Variants in CNTNAP2 observed in about 807,000 individuals in gnomAD.
CNTNAP2 encodes contactin associated protein 2.
A neutral mutation model predicts 155.2 loss-of-function variants in CNTNAP2; 98 were observed. That is an observed-to-expected ratio of 0.63 (90% CI 0.54 to 0.75). The LOEUF (loss-of-function observed/expected upper bound fraction) is 0.75, where lower values mean the gene tolerates loss of function less well. Among genes scored for constraint, CNTNAP2 ranks in the 30% least tolerant of loss-of-function variants. The probability of loss-of-function intolerance (pLI) is 0.00; values close to 1 mark genes in which losing one functional copy is unlikely to be tolerated. For missense variants in CNTNAP2, 1,727 were observed against 1,688.1 expected (o/e 1.02, Z -0.40); for synonymous variants, 651 against 631.2 (o/e 1.03, Z -0.47).
chr7:146,472,630 C>T (rs1338684071), intron 1 of CNTNAP2, among the ~76,000 whole-genome samples: 2 of 152,062 alleles, frequency 1.3e-5, no homozygotes, highest in Non-Finnish European at 1.5e-5. Flanking sequence ...ATATGTGTAT[C>T]CAAGCTTTAA....
intron 15 of CNTNAP2, among the ~76,000 whole-genome samples, chr7:148,078,229 C>G (rs1803533303): frequency 6.6e-6 from 1 of 151,814 alleles, no homozygotes; most frequent in Admixed American, 6.6e-5. Context: ...ATGCCAGGCT[C>G]ATTTTTGTAT....
At chr7:146,803,813 T>C (rs1802922433) in intron 2 of CNTNAP2, among the ~76,000 whole-genome samples, 1 of 152,182 alleles carries the variant, frequency 6.6e-6, no homozygotes, top group East Asian at 1.9e-4. Context: ...CTTGGTATAG[T>C]TTTATGTGCG....
intron 21 of CNTNAP2, among the ~76,000 whole-genome samples, chr7:148,346,703 C>T (rs879283212): frequency 2.7e-5 from 4 of 149,718 alleles, no homozygotes; most frequent in Non-Finnish European, 5.9e-5. Flanking sequence ...ACCTGGGAGG[C>T]GGAGGTTGCA....
intron 8 of CNTNAP2, among the ~76,000 whole-genome samples, chr7:147,268,916 T>A (rs1804676726): frequency 6.6e-6 from 1 of 152,188 alleles, no homozygotes; most frequent in Admixed American, 6.5e-5. Context: ...GACCTCTTGA[T>A]ACAAAACTAC....
intron 20 of CNTNAP2, chr7:148,263,377 G>T (rs17170929): frequency 0.078 from 11,832 of 152,106 alleles, 720 homozygotes; most frequent in African/African-American, 0.17. Context: ...GGATCACCGA[G>T]AAGCAAGATG....
At chr7:147,985,697 A>C (rs1450568872) in intron 15 of CNTNAP2, among the ~76,000 whole-genome samples, 1 of 152,194 alleles carries the variant, frequency 6.6e-6, no homozygotes, top group Non-Finnish European at 1.5e-5. Context: ...TAAAAGTAAA[A>C]ACAAAATCTA....
chr7:147,993,514 G>A (rs974186540), intron 15 of CNTNAP2, among the ~76,000 whole-genome samples: 1 of 152,110 alleles, frequency 6.6e-6, no homozygotes, highest in African/African-American at 2.4e-5. Context: ...CAAAAAAGTC[G>A]CTTGTGTCTT....
At chr7:147,196,765 C>T (rs566841844) in intron 8 of CNTNAP2, among the ~76,000 whole-genome samples, 2 of 152,252 alleles carry the variant, frequency 1.3e-5, no homozygotes, top group South Asian at 4.1e-4. Flanking sequence ...ATGGCACAAG[C>T]GTGAAAGAGC....
At chr7:148,179,579 G>A (rs1056712206) in intron 18 of CNTNAP2, among the ~76,000 whole-genome samples, 1 of 149,156 alleles carries the variant, frequency 6.7e-6, no homozygotes, top group Non-Finnish European at 1.5e-5. Flanking sequence ...GAGAGGCGGG[G>A]TGCGGGGGAG....
At chr7:146,851,648 T>TTC (rs1250687639) in intron 3 of CNTNAP2, among the ~76,000 whole-genome samples, 1 of 133,912 alleles carries the variant, frequency 7.5e-6, no homozygotes, top group Non-Finnish European at 1.6e-5. Flanking sequence ...ATCATCTTTC[T>TTC]TCTGTGTGTG....
rs531045423 is a variant in CNTNAP2, at chr7:147,530,930, A to G, written c.1778-31208A>G. Among the ~76,000 whole-genome samples, 304 of 152,314 alleles carry G rather than the reference A, an allele frequency of 2.0e-3. 1 individual carries two copies. The highest frequency in any genetic ancestry group is 7.2e-3 in the African/African-American group (301 of 41,572). ...GATACAATAGGATTACAGGTTTTGG[A>G]CAAATACAGCGGTTCCAAAGGGGAG... On this transcript the variant is annotated intron_variant, in intron 11 of 23. Transcript: ENST00000361727.
At chr7:147,255,528 T>C (rs1804302245) in intron 8 of CNTNAP2, among the ~76,000 whole-genome samples, 1 of 152,046 alleles carries the variant, frequency 6.6e-6, no homozygotes, top group African/African-American at 2.4e-5. Context: ...GGCCAAATAT[T>C]ATATGTTGTA....
chr7:147,980,016 A>T (rs1302765580), intron 15 of CNTNAP2, among the ~76,000 whole-genome samples: 1 of 152,234 alleles, frequency 6.6e-6, no homozygotes, highest in African/African-American at 2.4e-5. Context: ...AATTAATATT[A>T]GCTTATTTGT....
intron 21 of CNTNAP2, among the ~76,000 whole-genome samples, chr7:148,270,938 G>A (rs2116846029): frequency 1.3e-5 from 2 of 152,314 alleles, no homozygotes; most frequent in South Asian, 2.1e-4. Context: ...AACTCCCTGA[G>A]GGCAGAAGGC....
rs182971532 is a variant in CNTNAP2 at position 148,095,871 on chromosome 7, A to G, written c.2384-22247A>G. On this transcript the variant is annotated intron_variant, in intron 15 of 23. Coordinates refer to ENST00000361727, the MANE Select transcript of CNTNAP2 (RefSeq NM_014141.6). Reference sequence around the variant, plus strand: ...CCCCTCCTGCCCAGAATTTTCTAATACACAGTGGAATGCTTTATTGCTCTC... The same window carrying G: ...CCCCTCCTGCCCAGAATTTTCTAATGCACAGTGGAATGCTTTATTGCTCTC... Among the ~76,000 whole-genome samples the G allele has an allele frequency of 4.2e-3, 641 of 152,362 alleles. 1 individual carries two copies. Among genetic ancestry groups the G allele is most frequent in the Non-Finnish European group, 6.6e-3 (449 of 68,032 alleles).
At chr7:147,870,539 G>C (rs1799308789) in intron 13 of CNTNAP2, among the ~76,000 whole-genome samples, 1 of 152,146 alleles carries the variant, frequency 6.6e-6, no homozygotes, top group Admixed American at 6.6e-5. Flanking sequence ...CCATGTTACT[G>C]GTCCCACAGC....
At chr7:146,981,101 C>T (rs1246617215) in intron 3 of CNTNAP2, among the ~76,000 whole-genome samples, 1 of 152,048 alleles carries the variant, frequency 6.6e-6, no homozygotes, top group Non-Finnish European at 1.5e-5. Context: ...GAAGGAGAAG[C>T]AGAAATAATG....
chr7:147,978,397 G>A (rs1429207515), intron 15 of CNTNAP2, among the ~76,000 whole-genome samples: 2 of 152,088 alleles, frequency 1.3e-5, no homozygotes, highest in African/African-American at 4.8e-5. Flanking sequence ...ATGGCTTAAT[G>A]TATCATTGTA....
chr7:146,783,207 A>G (rs1487073260), intron 2 of CNTNAP2, among the ~76,000 whole-genome samples: 1 of 152,168 alleles, frequency 6.6e-6, no homozygotes, highest in Non-Finnish European at 1.5e-5. Flanking sequence ...TATCTTATAG[A>G]AACTAACATG....
Sources: gnomAD v4.1 joint callset for allele counts (sites outside exome capture counted in the v4.1 genomes callset) on GRCh38, gnomAD v4.1.1 for gene constraint, MANE v1.5 for transcripts, NCBI Gene and HGNC (gene_info 2026-07-23, HGNC 2026-07-21) for gene names.